The following ARHGAP24 variants were observed in gnomAD, a reference collection of about 807,000 sequenced individuals.
The protein encoded by ARHGAP24 is Rho GTPase activating protein 24.
ARHGAP24 carries 50 observed loss-of-function variants against 76.4 expected under a neutral mutation model. The ratio of observed to expected loss-of-function variants is 0.65; its 90% CI spans 0.52 to 0.83. ARHGAP24 has a LOEUF of 0.83. Among genes scored for constraint, ARHGAP24 ranks in the 40% least tolerant of loss-of-function variants. ARHGAP24 has a pLI of 0.00. For missense variants in ARHGAP24, 930 were observed against 914.2 expected (o/e 1.02, Z -0.22); for synonymous variants, 345 against 323.3 (o/e 1.07, Z -0.72).
intron 1 of ARHGAP24, among the ~76,000 whole-genome samples, chr4:85,568,793 A>G (rs564729054): frequency 6.6e-6 from 1 of 152,348 alleles, no homozygotes; most frequent in South Asian, 2.1e-4. Flanking sequence ...TGCGTATTGA[A>G]TGAGACAGAA....
chr4:85,834,968 A>C (rs1005925406), intron 3 of ARHGAP24, among the ~76,000 whole-genome samples: 1 of 152,234 alleles, frequency 6.6e-6, no homozygotes, highest in Non-Finnish European at 1.5e-5. Flanking sequence ...GTAATGACTA[A>C]GTATCAGAAT....
intron 9 of ARHGAP24, among the ~76,000 whole-genome samples, chr4:85,999,636 TTAAA>T (rs1740884739): frequency 6.6e-6 from 1 of 152,180 alleles, no homozygotes; most frequent in South Asian, 2.1e-4. Context: ...AAGATACATC[TTAAA>T]TAAAGATGTA....
At chr4:85,586,374 G>A (rs1727862097) in intron 2 of ARHGAP24, among the ~76,000 whole-genome samples, 1 of 152,190 alleles carries the variant, frequency 6.6e-6, no homozygotes, top group Admixed American at 6.5e-5. Context: ...ATAATAAAGT[G>A]TTTGGGAGCT....
chr4:85,830,661 C>T (rs1187759986), intron 3 of ARHGAP24, among the ~76,000 whole-genome samples: 2 of 152,206 alleles, frequency 1.3e-5, no homozygotes, highest in Non-Finnish European at 2.9e-5. Flanking sequence ...AATGGGCACT[C>T]ACACAACTTT....
chr4:85,959,639 T>C (rs919705341), intron 5 of ARHGAP24, among the ~76,000 whole-genome samples: 15 of 152,210 alleles, frequency 9.9e-5, no homozygotes, highest in Non-Finnish European at 2.1e-4. Flanking sequence ...ACTTTTTGGC[T>C]ATTATCAATA....
intron 2 of ARHGAP24, among the ~76,000 whole-genome samples, chr4:85,688,457 A>G (rs1723512206): frequency 6.6e-6 from 1 of 151,976 alleles, no homozygotes; most frequent in Non-Finnish European, 1.5e-5. Flanking sequence ...TAAGTTCCTT[A>G]TAAATTCTGG....
chr4:85,847,469 G>T (rs1187511263), intron 3 of ARHGAP24, among the ~76,000 whole-genome samples: 2 of 152,146 alleles, frequency 1.3e-5, no homozygotes, highest in Non-Finnish European at 2.9e-5. Flanking sequence ...CATAAAGATA[G>T]ATATAGCAGA....
chr4:85,674,650 G>C (rs1172991806), intron 2 of ARHGAP24, among the ~76,000 whole-genome samples: 1 of 152,132 alleles, frequency 6.6e-6, no homozygotes, highest in Admixed American at 6.6e-5. Context: ...ATGTCCTTTT[G>C]ATATAAGACT....
intron 3 of ARHGAP24, among the ~76,000 whole-genome samples, chr4:85,763,123 G>A (rs370767383): frequency 7.2e-5 from 11 of 152,120 alleles, no homozygotes; most frequent in Admixed American, 3.3e-4. Flanking sequence ...TTTTATAGTT[G>A]CAGGAAGCTA....
chr4:85,947,988 A>G (rs140106226), intron 5 of ARHGAP24, among the ~76,000 whole-genome samples: 1,999 of 152,302 alleles, frequency 0.013, 35 homozygotes, highest in African/African-American at 0.045. Context: ...TCTGAGAGAA[A>G]AAAATATATG....
chr4:85,721,063 A>G (rs1253166632), intron 2 of ARHGAP24, among the ~76,000 whole-genome samples: 2 of 152,186 alleles, frequency 1.3e-5, no homozygotes, highest in Non-Finnish European at 2.9e-5. Flanking sequence ...ATATCTCAGC[A>G]CTGAATGAAA....
chr4:85,858,685 T>G (rs1354985695), intron 3 of ARHGAP24, among the ~76,000 whole-genome samples: 1 of 152,092 alleles, frequency 6.6e-6, no homozygotes, highest in Non-Finnish European at 1.5e-5. Context: ...AAGCAATGTC[T>G]TGTAAGATAT....
chr4:85,941,075 A>G (rs2148824472), intron 4 of ARHGAP24, among the ~76,000 whole-genome samples: 1 of 152,204 alleles, frequency 6.6e-6, no homozygotes, highest in Admixed American at 6.5e-5. Context: ...CTTTCATGAA[A>G]CTCAGACCAT....
intron 3 of ARHGAP24, among the ~76,000 whole-genome samples, chr4:85,735,201 T>C (rs558267917): frequency 6.6e-6 from 1 of 152,324 alleles, no homozygotes; most frequent in South Asian, 2.1e-4. Flanking sequence ...CAAATGAATC[T>C]CATGCATACT....
chr4:85,571,465 C>T (rs375893723), intron 2 of ARHGAP24, among the ~76,000 whole-genome samples: 9 of 152,250 alleles, frequency 5.9e-5, no homozygotes, highest in African/African-American at 1.4e-4. Flanking sequence ...TTTTCATCTA[C>T]GTCTATAGGA....
intron 3 of ARHGAP24, among the ~76,000 whole-genome samples, chr4:85,808,828 A>G (rs1728896772): frequency 6.7e-6 from 1 of 148,384 alleles, no homozygotes; most frequent in South Asian, 2.3e-4. Context: ...AAGAAATAGC[A>G]ACTAAGTAAA....
intron 3 of ARHGAP24, among the ~76,000 whole-genome samples, chr4:85,791,996 G>A (rs1383988030): frequency 6.6e-6 from 1 of 152,112 alleles, no homozygotes; most frequent in East Asian, 1.9e-4. Context: ...GAGTTACAAG[G>A]AAGCAAAAAC....
At chr4:85,562,316 A>G (rs937094155) in intron 1 of ARHGAP24, among the ~76,000 whole-genome samples, 1 of 152,228 alleles carries the variant, frequency 6.6e-6, no homozygotes, top group Admixed American at 6.5e-5. Flanking sequence ...CTATGATAGT[A>G]ATCAAGGAAA....
intron 3 of ARHGAP24, among the ~76,000 whole-genome samples, chr4:85,887,091 T>C (rs1045389010): frequency 6.6e-6 from 1 of 152,120 alleles, no homozygotes; most frequent in African/African-American, 2.4e-5. Flanking sequence ...CTGGTACCAA[T>C]ATTCAAGAAA....
Sources: allele counts gnomAD v4.1 joint callset (sites outside exome capture counted in the v4.1 genomes callset), GRCh38; gene constraint gnomAD v4.1.1; transcripts MANE v1.5; gene names NCBI Gene and HGNC (gene_info 2026-07-23, HGNC 2026-07-21).